JAK1: variants seen among roughly 807,000 people sequenced by gnomAD.
JAK1 encodes Janus kinase 1.
A neutral mutation model predicts 136.6 loss-of-function variants in JAK1; 16 were observed. The observed-to-expected ratio is 0.12, with a 90% CI of 0.08 to 0.18. JAK1 has a LOEUF of 0.18. Ranked by LOEUF, JAK1 falls within the 10% of genes least tolerant of loss-of-function variation. JAK1 has a pLI of 1.00. For synonymous variants in JAK1, 492 were observed against 519.5 expected, an observed-to-expected ratio of 0.95 and a Z score of 0.72; for missense variants, 859 against 1,450.1, an observed-to-expected ratio of 0.59 and a Z score of 6.62.
chr1:64,934,852 G>A (rs758920347), intron 1 of JAK1, among the ~76,000 whole-genome samples: 23 of 152,182 alleles, frequency 1.5e-4, no homozygotes, highest in Non-Finnish European at 2.4e-4. Flanking sequence ...TTACTCATTT[G>A]TATTTCTCAC....
Position 64,836,115 on chromosome 1 carries a change from C to G in JAK1, c.3241G>C (p.Asp1081His). ...GGACTTACAGCCATGGGACTAGAAT[C>G]TGAATCACAGTAAGTCAGCAGCTCA... ...LHELLTYCDS[D>H]SSPMALFLKM... Residue 1081 changes from aspartate (D) to histidine (H), a missense_variant, in exon 23 of 25, where the codon GAT (aspartate) becomes CAT (histidine). Physicochemically the swap from Asp to His is moderately conservative, Grantham distance 81. Coordinates refer to ENST00000342505, the MANE Select transcript of JAK1 (RefSeq NM_002227.4). 2 of 1,601,910 alleles carry G rather than the reference C, an allele frequency of 1.2e-6. No homozygotes were observed. The highest frequency in any genetic ancestry group is 1.7e-6 in the Non-Finnish European group (2 of 1,168,896).
intron 2 of JAK1, among the ~76,000 whole-genome samples, chr1:65,032,514 AAC>A (rs908298994): frequency 1.3e-5 from 2 of 152,164 alleles, no homozygotes; most frequent in African/African-American, 4.8e-5. Flanking sequence ...AAACAACAAC[AAC>A]AACAACAAAA....
intron 1 of JAK1, among the ~76,000 whole-genome samples, chr1:64,918,162 C>T (rs1000922395): frequency 6.6e-6 from 1 of 152,166 alleles, no homozygotes; most frequent in Non-Finnish European, 1.5e-5. Flanking sequence ...AGGGGACTAC[C>T]AGGTGATTTC....
intron 1 of JAK1, among the ~76,000 whole-genome samples, chr1:64,951,004 T>C (rs1425370923): frequency 6.6e-6 from 1 of 152,224 alleles, no homozygotes; most frequent in African/African-American, 2.4e-5. Flanking sequence ...CAAGATTTTA[T>C]GATCATTGTG....
chr1:64,959,019 T>C (rs1296969987), intron 1 of JAK1, among the ~76,000 whole-genome samples: 1 of 152,248 alleles, frequency 6.6e-6, no homozygotes, highest in Non-Finnish European at 1.5e-5. Flanking sequence ...TGGACTTTCC[T>C]ACCCACTCCC....
At chr1:65,024,533 T>A (rs1246618576) in intron 2 of JAK1, among the ~76,000 whole-genome samples, 2 of 152,024 alleles carry the variant, frequency 1.3e-5, no homozygotes, top group African/African-American at 2.4e-5. Context: ...CAGGTAAGCC[T>A]CTTGCAGTTG....
chr1:64,916,774 T>C (rs1158930231), intron 1 of JAK1, among the ~76,000 whole-genome samples: 2 of 151,122 alleles, frequency 1.3e-5, no homozygotes, highest in Non-Finnish European at 2.9e-5. Flanking sequence ...GAGGCAGAGG[T>C]TGCAGTGAGC....
intron 12 of JAK1, among the ~76,000 whole-genome samples, chr1:64,850,431 G>A (rs115218429): frequency 1.7e-3 from 263 of 152,342 alleles, no homozygotes; most frequent in African/African-American, 6.0e-3. Context: ...AGAAAGTGCA[G>A]GACTGAACTC....
Position 64,855,672 on chromosome 1 carries a change from G to A in JAK1, c.1485C>T (p.Phe495=), listed in dbSNP as rs764743099. The part of the protein sequence containing the change: ...SEQVQGAQKQ[F]KNFQIEVQKG... ...TCTGCACCTCGATCTGAAAGTTCTT[G>A]AACTGCTTCTGGGCACCCTGCACCT... The change falls in exon 11 of 25, where the codon TTC becomes TTT. Residue 495 remains phenylalanine (F), a synonymous_variant. Transcript: ENST00000342505. The A allele has an allele frequency of 1.5e-5, 25 of 1,613,750 alleles. No homozygotes were observed. The African/African-American group carries it at 2.8e-4, about 18-fold the overall frequency.
At chr1:64,979,569 C>T (rs1435410503) in intron 2 of JAK1, 2 of 152,156 alleles carry the variant, frequency 1.3e-5, no homozygotes, top group African/African-American at 2.4e-5. Flanking sequence ...TTACTCAGTA[C>T]AAGTATGTGC....
intron 2 of JAK1, among the ~76,000 whole-genome samples, chr1:65,032,183 C>G (rs1647030008): frequency 6.6e-6 from 1 of 152,148 alleles, no homozygotes; most frequent in Admixed American, 6.5e-5. Context: ...CCAGGCTGGT[C>G]TCAAACTCTT....
At chr1:64,971,427 T>G (rs1646450585), upstream of JAK1, among the ~76,000 whole-genome samples, 1 of 152,166 alleles carries the variant, frequency 6.6e-6, no homozygotes, top group Non-Finnish European at 1.5e-5. Context: ...GTCACTGCAG[T>G]CTTGACCTCC....
intron 1 of JAK1, among the ~76,000 whole-genome samples, chr1:65,049,795 C>T (rs1647236177): frequency 6.6e-6 from 1 of 152,186 alleles, no homozygotes; most frequent in Admixed American, 6.5e-5. Context: ...TGTCTCTCTC[C>T]TGCCTCCTTC....
chr1:64,961,138 T>C (rs1557728187), intron 1 of JAK1, among the ~76,000 whole-genome samples: 1 of 152,224 alleles, frequency 6.6e-6, no homozygotes, highest in African/African-American at 2.4e-5. Flanking sequence ...AATTTCCTAA[T>C]GGCTTAAAAA....
Position 64,838,592 on chromosome 1 carries a change from G to A in JAK1, c.2843-3C>T. 6.2e-7 allele frequency: 1 copy of A among 1,613,004 alleles called. No homozygotes were observed. Among genetic ancestry groups the A allele is most frequent in the Non-Finnish European group, 8.5e-7 (1 of 1,179,864 alleles). On this transcript the variant is annotated splice_region_variant and splice_polypyrimidine_tract_variant and intron_variant, in intron 20 of 24. Transcript: ENST00000342505. ...GATGAGCTTAATACCATTTCCTCCT[G>A]TTTAGAAAAAACATCCATCAGTCTG...
rs200449602 is a variant in JAK1, at chr1:64,847,691, G to A, written c.1756-16C>T. 812 of 1,612,774 alleles carry A rather than the reference G, an allele frequency of 5.0e-4. 3 individuals carry two copies. The highest frequency in any genetic ancestry group is 3.2e-3 in the Middle Eastern group (19 of 5,858). ...GGTGCTCGCCCTGAGGGAAGAAGCA[G>A]AAGGCTGGGTGACCTCTCTGTGCCC... On this transcript the variant is annotated splice_polypyrimidine_tract_variant and intron_variant, in intron 12 of 24. Coordinates refer to ENST00000342505, the MANE Select transcript of JAK1 (RefSeq NM_002227.4).
At chr1:65,052,738 C>G (rs543399892) in intron 1 of JAK1, among the ~76,000 whole-genome samples, 3 of 151,408 alleles carry the variant, frequency 2.0e-5, no homozygotes, top group African/African-American at 7.3e-5. Flanking sequence ...GGCGTGAACC[C>G]GGGAGGCAGA....
chr1:64,985,379 G>A, intron 2 of JAK1: 1 of 1,611,156 alleles, frequency 6.2e-7, no homozygotes. Context: ...TCATCTCCTG[G>A]ATGTCTTGGG....
intron 1 of JAK1, among the ~76,000 whole-genome samples, chr1:64,938,246 AT>A (rs1180744204): frequency 6.6e-6 from 1 of 152,210 alleles, no homozygotes. Flanking sequence ...ATATAAAAAA[AT>A]ACTCTTTCGT....
Sources: gnomAD v4.1 joint callset for allele counts (sites outside exome capture counted in the v4.1 genomes callset) on GRCh38, gnomAD v4.1.1 for gene constraint, MANE v1.5 for transcripts, NCBI Gene and HGNC (gene_info 2026-07-23, HGNC 2026-07-21) for gene names.